Variants in UTP4 observed in about 807,000 individuals in gnomAD.
UTP4 encodes the protein U3 small nucleolar RNA-associated protein 4 homolog.
A neutral mutation model predicts 82.4 loss-of-function variants in UTP4; 45 were observed. That is an observed-to-expected ratio of 0.55 (90% CI 0.43 to 0.70). The LOEUF (loss-of-function observed/expected upper bound fraction) is 0.70, where lower values mean the gene tolerates loss of function less well. Among genes scored for constraint, UTP4 ranks in the 30% least tolerant of loss-of-function variants. The pLI is 0.00. For missense variants in UTP4, 819 were observed against 858.3 expected, an observed-to-expected ratio of 0.95 and a Z score of 0.57; for synonymous variants, 348 against 300.3, an observed-to-expected ratio of 1.16 and a Z score of -1.64.
chr16:69,156,817 A>G (rs1254436403), intron 11 of UTP4, among the ~76,000 whole-genome samples: 1 of 152,200 alleles, frequency 6.6e-6, no homozygotes. Flanking sequence ...GGATAGGGTA[A>G]TGCCCTACAG....
At chr16:69,149,353 C>T (rs752040923) in intron 6 of UTP4, among the ~76,000 whole-genome samples, 1 of 152,046 alleles carries the variant, frequency 6.6e-6, no homozygotes, top group Admixed American at 6.6e-5. Context: ...GCACTCCAGC[C>T]TGGGCGACAA....
intron 6 of UTP4, among the ~76,000 whole-genome samples, chr16:69,146,531 C>T (rs1241893465): frequency 6.6e-6 from 1 of 152,162 alleles, no homozygotes; most frequent in African/African-American, 2.4e-5. Context: ...TATTAGTGGA[C>T]GTTTGGGTTG....
intron 9 of UTP4, 170 bp downstream of exon 9, chr16:69,153,850 G>C: frequency 1.5e-6 from 1 of 661,562 alleles, no homozygotes; most frequent in Non-Finnish European, 2.7e-6. Flanking sequence ...TAGAGTATTA[G>C]AATCTTTAGC....
At chr16:69,168,767 C>G (rs1045511773) in intron 16 of UTP4, 54 bp from the exon 17 acceptor site, 1 of 1,134,202 alleles carries the variant, frequency 8.8e-7, no homozygotes, top group African/African-American at 1.5e-5. Flanking sequence ...TCAGTTCTTT[C>G]AGGACTAGCC....
rs776003928 is a variant in UTP4, at chr16:69,157,123, A to G, written c.1327A>G (p.Ile443Val). 1.9e-5 allele frequency: 31 copies of G among 1,614,158 alleles called. No homozygotes were observed. In the South Asian group the frequency reaches 2.5e-4, roughly 13 times the overall value. ...AGCATTCCTTCGCTCTGCCCTTCAG[A>G]TTTTGTTTTCTGAAGATTCAACAAA... Reference protein sequence around the residue: ...MPAFLRSALQILFSEDSTKLF... With the variant: ...MPAFLRSALQVLFSEDSTKLF... The change falls in exon 12 of 17, where the codon ATT (isoleucine) becomes GTT (valine). Residue 443 changes from isoleucine (I) to valine (V), a missense_variant. Transcript: ENST00000314423.
chr16:69,132,890 C>T (rs911163874), intron 1 of UTP4: 2 of 201,826 alleles, frequency 9.9e-6, no homozygotes, highest in Non-Finnish European at 2.0e-5. Flanking sequence ...CCGGCCCGAC[C>T]GAACGCGCTT....
At chr16:69,163,279 G>C (rs1179960982) in intron 14 of UTP4, 101 bp downstream of exon 14, 1 of 943,432 alleles carries the variant, frequency 1.1e-6, no homozygotes, top group Non-Finnish European at 1.7e-6. Context: ...GAAGGTGTTG[G>C]AGGATATAAG....
At chr16:69,133,083 C>T (rs1962683959) in intron 1 of UTP4, 1 of 292,194 alleles carries the variant, frequency 3.4e-6, no homozygotes, top group Middle Eastern at 1.2e-3. Context: ...AAGAGGAGCT[C>T]GGTTCTGCCT....
chr16:69,168,433 C>CAAAA (rs34234554), intron 16 of UTP4, among the ~76,000 whole-genome samples: 3 of 51,596 alleles, frequency 5.8e-5, no homozygotes, highest in Non-Finnish European at 7.6e-5. Context: ...GAGACTGTCT[C>CAAAA]AAAAAAAAAA....
At chr16:69,156,955 T>C (rs1313416035) in intron 11 of UTP4, 129 bp from the exon 12 acceptor site, 14 of 866,054 alleles carry the variant, frequency 1.6e-5, no homozygotes, top group Non-Finnish European at 2.1e-5. Flanking sequence ...AAACCAGTGT[T>C]CTGTGCCGAG....
intron 2 of UTP4, among the ~76,000 whole-genome samples, chr16:69,134,239 C>G (rs1199376955): frequency 3.3e-5 from 5 of 151,888 alleles, no homozygotes; most frequent in Non-Finnish European, 7.4e-5. Flanking sequence ...CTGTTATGTA[C>G]TGGGTGCTGT....
intron 4 of UTP4, among the ~76,000 whole-genome samples, chr16:69,138,592 T>A (rs1052135251): frequency 2.0e-5 from 3 of 152,200 alleles, no homozygotes; most frequent in Non-Finnish European, 4.4e-5. Flanking sequence ...TGAGGGAGTT[T>A]ATAAACAGTT....
chr16:69,158,845 C>T (rs1395390066), intron 12 of UTP4, among the ~76,000 whole-genome samples: 7 of 152,028 alleles, frequency 4.6e-5, no homozygotes, highest in African/African-American at 1.7e-4. Context: ...CGTTTGGGGG[C>T]GTTACATGCA....
At chr16:69,139,410 G>A (rs1207229480) in intron 4 of UTP4, among the ~76,000 whole-genome samples, 6 of 151,642 alleles carry the variant, frequency 4.0e-5, no homozygotes, top group Admixed American at 6.6e-5. Context: ...AGGCTGAGGC[G>A]GGTGGATCAC....
In UTP4 at chr16:69,152,512, C is replaced by T. The variant is rs146371909; in HGVS notation, c.1003-1072C>T. ...GAGACAGAGCTTTGCTCTTGTTGCC[C>T]AGGCTGGAGTGTAGTAGTGAAATCT... is the stretch of plus-strand genomic sequence containing the variant. On this transcript the variant is annotated intron_variant, in intron 8 of 16. Transcript: ENST00000314423. Among the ~76,000 whole-genome samples, 21 of 149,246 alleles carry T rather than the reference C, an allele frequency of 1.4e-4. No homozygotes were observed. In the East Asian group the frequency reaches 3.5e-3, roughly 25 times the overall value.
At chr16:69,162,465 A>T (rs1005343463) in intron 13 of UTP4, among the ~76,000 whole-genome samples, 10 of 150,740 alleles carry the variant, frequency 6.6e-5, no homozygotes, top group Admixed American at 6.0e-4. Flanking sequence ...TAATCCCAAC[A>T]CTTTGGGAGA....
rs191409999 is a variant in UTP4, at chr16:69,165,753, G to T, written c.1833+227G>T. On this transcript the variant is annotated intron_variant, in intron 15 of 16. Transcript: ENST00000314423. ...GCTCTCGGGGAAGGGGCTGGCCTTT[G>T]TATACTGGCTTTTGCTGATTTGACT... The T allele has an allele frequency of 6.0e-5, 37 of 614,532 alleles. No homozygotes were observed. The Admixed American group carries it at 9.7e-4, about 16-fold the overall frequency. The allele number at this position is 614,532 out of a possible 1,614,324, so 38.1% of individuals were successfully genotyped here. A position where few individuals can be genotyped will look rare whatever the true frequency, so the allele number is the denominator to read the frequency against.
chr16:69,132,778 T>C, intron 1 of UTP4, 89 bp downstream of exon 1: 1 of 231,542 alleles, frequency 4.3e-6, no homozygotes. Context: ...CCGGCTGAGC[T>C]CCTTGTCCCG....
At position 69,147,178 on chromosome 16, in the gene UTP4, AAATAATAATAATAATAAT is replaced by A. The variant is rs59985843; in HGVS notation, c.739-3332_739-3315del. Among the ~76,000 whole-genome samples the A allele has an allele frequency of 1.1e-3, 146 of 132,506 alleles. 2 individuals are homozygous for A. The highest frequency in any genetic ancestry group is 3.0e-3 in the South Asian group (12 of 4,002). 86.9% of individuals were successfully genotyped at this position (132,506 alleles called of 152,430 possible). A position where few individuals can be genotyped will look rare whatever the true frequency, so the allele number is the denominator to read the frequency against. On this transcript the variant is annotated intron_variant, in intron 6 of 16. Coordinates refer to ENST00000314423, the MANE Select transcript of UTP4 (RefSeq NM_032830.3). ...GTCAACAGAGTGCAACTCCAGCTCA[AAATAATAATAATAATAAT>A]AATAATAATAATAATAATAATAATA... is the stretch of plus-strand genomic sequence containing the variant.
Sources: allele counts gnomAD v4.1 joint callset (sites outside exome capture counted in the v4.1 genomes callset), GRCh38; gene constraint gnomAD v4.1.1; transcripts MANE v1.5; gene names NCBI Gene and HGNC (gene_info 2026-07-23, HGNC 2026-07-21).